Variants in DOK4 observed in about 807,000 individuals in gnomAD.
DOK4 encodes docking protein 4.
A neutral mutation model predicts 40.1 loss-of-function variants in DOK4; 26 were observed. The ratio of observed to expected loss-of-function variants is 0.65; its 90% CI spans 0.48 to 0.90. DOK4 has a LOEUF of 0.90. DOK4 is among the 40% of genes least tolerant of loss of function. DOK4 has a pLI of 0.00. For synonymous variants in DOK4, 179 were observed against 177.0 expected, an observed-to-expected ratio of 1.01 and a Z score of -0.09; for missense variants, 392 against 437.2, an observed-to-expected ratio of 0.90 and a Z score of 0.92.
chr16:57,476,698 T>C lies in DOK4; in HGVS notation c.67-741A>G, dbSNP rs568089119. Among the ~76,000 whole-genome samples the C allele has an allele frequency of 3.3e-4, 51 of 152,298 alleles. No individual in the cohort carries two copies. In the Middle Eastern group the frequency reaches 0.027, roughly 81 times the overall value. On this transcript the variant is annotated intron_variant, in intron 2 of 8. Transcript: ENST00000340099. ...GCTGGGAACCCAAAGCTGTTTGAGG[T>C]AAAGGGGTGGAGCTAGGAATCTGAG...
intron 1 of DOK4, chr16:57,483,817 A>G (rs1427265937): frequency 6.6e-6 from 1 of 152,090 alleles, no homozygotes; most frequent in African/African-American, 2.4e-5. Flanking sequence ...CTTCCCCAGC[A>G]CTGTGAGCTC....
At chr16:57,483,008 G>A (rs1237366994) in intron 1 of DOK4, among the ~76,000 whole-genome samples, 1 of 152,188 alleles carries the variant, frequency 6.6e-6, no homozygotes, top group African/African-American at 2.4e-5. Flanking sequence ...CCAGCGGGAA[G>A]AGTGACCTTC....
exon 9 of DOK4, chr16:57,473,412 C>A: frequency 6.2e-7 from 1 of 1,614,122 alleles, no homozygotes; most frequent in Non-Finnish European, 8.5e-7. Context: ...CTGCTGTCCC[C>A]CTGGCTGGGC....
intron 2 of DOK4, among the ~76,000 whole-genome samples, chr16:57,477,453 G>C (rs1490691055): frequency 6.6e-6 from 1 of 152,242 alleles, no homozygotes; most frequent in Non-Finnish European, 1.5e-5. Context: ...TGCTAAACAA[G>C]TGAATGACCA....
At chr16:57,474,196 G>A (rs1346511388) in intron 6 of DOK4, among the ~76,000 whole-genome samples, 157 bp from the exon 7 acceptor site, 1 of 152,178 alleles carries the variant, frequency 6.6e-6, no homozygotes, top group African/African-American at 2.4e-5. Flanking sequence ...GTGCAAATGT[G>A]CTGAGCATAT....
chr16:57,475,440 C>T, intron 4 of DOK4, 66 bp downstream of exon 4: 3 of 1,480,876 alleles, frequency 2.0e-6, no homozygotes, highest in Non-Finnish European at 2.8e-6. Context: ...TCTGCCCGCT[C>T]CTAGCTGGAC....
exon 9 of DOK4, chr16:57,473,409 C>G: frequency 3.7e-6 from 6 of 1,614,060 alleles, no homozygotes; most frequent in Non-Finnish European, 5.1e-6. Flanking sequence ...TCACTGCTGT[C>G]CCCCTGGCTG....
Position 57,479,381 on chromosome 16 carries a change from G to A in DOK4, c.66+61C>T, listed in dbSNP as rs1050844876. 1.9e-6 allele frequency: 3 copies of A among 1,591,956 alleles called. No homozygotes were observed. The highest frequency in any genetic ancestry group is 1.3e-5 in the African/African-American group (1 of 74,516). ...CCCACGCGCCATGCCTCCAAGCCTGGGACCGAGTCCTCGGGCCCCCATCCC... is the reference window on the plus strand; with the variant it reads ...CCCACGCGCCATGCCTCCAAGCCTGAGACCGAGTCCTCGGGCCCCCATCCC... On this transcript the variant is annotated intron_variant, in intron 2 of 8. Coordinates refer to ENST00000340099, the Ensembl canonical transcript of DOK4. This position sits in a 1 kb window ranked among gnomAD's most constrained non-coding sequence, Gnocchi z 5.8.
chr16:57,482,363 G>T lies in DOK4; in HGVS notation c.-181-2675C>A, dbSNP rs915618192. 9.6e-3 allele frequency among the ~76,000 whole-genome samples: 890 copies of T among 92,784 alleles called. 10 individuals are homozygous for T. Among genetic ancestry groups the T allele is most frequent in the African/African-American group, 0.03 (676 of 22,800 alleles). The allele number at this position is 92,784 out of a possible 152,430, so 60.9% of individuals were successfully genotyped here. A position where few individuals can be genotyped will look rare whatever the true frequency, so the allele number is the denominator to read the frequency against. ...ACTTGTTTGTAGAGATGGGGCTTTT[G>T]TTTTTTTTTTTTTTTTTTTTTGAGA... On this transcript the variant is annotated intron_variant, in intron 1 of 8. Coordinates refer to ENST00000340099, the Ensembl canonical transcript of DOK4.
At chr16:57,480,297 GT>G in intron 1 of DOK4, 1 of 152,594 alleles carries the variant, frequency 6.6e-6, no homozygotes, top group Non-Finnish European at 1.5e-5. Context: ...TCCTCTACCT[GT>G]TTCTCTCCAG....
At chr16:57,472,855 G>C (rs1263074342) in exon 9 of DOK4, 1 of 155,918 alleles carries the variant, frequency 6.4e-6, no homozygotes, top group Non-Finnish European at 1.4e-5. Context: ...CAGAGGAACT[G>C]AGAAGCCACC....
intron 2 of DOK4, among the ~76,000 whole-genome samples, chr16:57,477,004 T>G (rs1450404834): frequency 1.3e-5 from 2 of 151,786 alleles, no homozygotes; most frequent in East Asian, 3.8e-4. Context: ...GTTTACCTAC[T>G]CCTTCCAGCG....
intron 4 of DOK4, 131 bp downstream of exon 4, chr16:57,475,375 G>T: frequency 7.1e-7 from 1 of 1,407,784 alleles, no homozygotes; most frequent in Non-Finnish European, 9.7e-7. Context: ...CTCCCTGAAA[G>T]CACCCCCAAC....
At chr16:57,473,858 T>TTC in intron 7 of DOK4, 43 bp downstream of exon 7, 3 of 1,550,188 alleles carry the variant, frequency 1.9e-6, no homozygotes, top group Non-Finnish European at 8.7e-7. Context: ...GCCCGCCCGT[T>TTC]CCCCCCTCCC....
Position 57,475,576 on chromosome 16 carries a change from C to T in DOK4, c.219G>A (p.Lys73=), listed in dbSNP as rs760613806. 33 of 1,609,382 alleles carry T rather than the reference C, an allele frequency of 2.1e-5. No individual in the cohort carries two copies. In the Admixed American group the frequency reaches 5.4e-4, roughly 26 times the overall value. Residue 73 remains lysine, a synonymous_variant, in exon 4 of 9, where the codon AAG becomes AAA. Transcript: ENST00000340099. ...TGGCCACCGCCTGCCGCTTGGTCTC[C>T]TTGGGGAGCCGCGTAACACACTTGA...
chr16:57,472,416 G>A (rs2030896938), exon 9 of DOK4: 1 of 152,716 alleles, frequency 6.5e-6, no homozygotes, highest in Non-Finnish European at 1.5e-5. Flanking sequence ...TTGCAGCAGG[G>A]AGCCTCAGCA....
chr16:57,479,433 G>A lies in DOK4; in HGVS notation c.66+9C>T. On this transcript the variant is annotated intron_variant, in intron 2 of 8. Coordinates refer to ENST00000340099, the Ensembl canonical transcript of DOK4. This position sits in a 1 kb window ranked among gnomAD's most constrained non-coding sequence, Gnocchi z 5.8. Reference sequence around the variant, plus strand: ...TGGCAGGGCCCCTCCGCAGCTCAGGGTCACTCACCCCGAGCTTCCTGCTCT... The same window carrying A: ...TGGCAGGGCCCCTCCGCAGCTCAGGATCACTCACCCCGAGCTTCCTGCTCT... The A allele has an allele frequency of 6.2e-7, 1 of 1,613,394 alleles. No homozygotes were observed. Among genetic ancestry groups the A allele is most frequent in the South Asian group, 1.1e-5 (1 of 91,056 alleles).
chr16:57,475,641 G>T (rs757663709), intron 3 of DOK4, 21 bp from the exon 4 acceptor site: 1 of 1,548,648 alleles, frequency 6.5e-7, no homozygotes, highest in South Asian at 1.2e-5. Context: ...ATCCACAAGG[G>T]ACTTAGCCAG....
rs1168363207 is a variant in DOK4 at position 57,474,054 on chromosome 16, C to T, written c.600-15G>A. Reference sequence around the variant, plus strand: ...CATCACACATCCTGGGGACACAGCACAGAGGGCAAGATGGTGGGGACCCAC... The same window carrying T: ...CATCACACATCCTGGGGACACAGCATAGAGGGCAAGATGGTGGGGACCCAC... On this transcript the variant is annotated splice_polypyrimidine_tract_variant and intron_variant, in intron 6 of 8. Transcript: ENST00000340099. 5 of 1,613,550 alleles carry T rather than the reference C, an allele frequency of 3.1e-6. No individual in the cohort carries two copies. The African/African-American group carries it at 4.0e-5, about 13-fold the overall frequency.
Sources: gnomAD v4.1 joint callset for allele counts (sites outside exome capture counted in the v4.1 genomes callset) on GRCh38, gnomAD v4.1.1 for gene constraint, Gnocchi (gnomAD v3.1) non-coding constraint, MANE v1.5 for transcripts, NCBI Gene and HGNC (gene_info 2026-07-23, HGNC 2026-07-21) for gene names.